The following NACC2 variants were observed in gnomAD, a reference collection of about 807,000 sequenced individuals.
The protein encoded by NACC2 is NACC family member 2, also known as nucleus accumbens-associated protein 2.
In NACC2, 8 loss-of-function variants were observed where a neutral mutation model predicts 25.1. That is an observed-to-expected ratio of 0.32 (90% CI 0.19 to 0.57). The LOEUF is 0.57. Ranked by LOEUF, NACC2 falls within the 20% of genes least tolerant of loss-of-function variation. NACC2 has a pLI of 0.89. For synonymous variants in NACC2, 435 were observed against 294.7 expected, an observed-to-expected ratio of 1.48 and a Z score of -4.88; for missense variants, 644 against 650.2, an observed-to-expected ratio of 0.99 and a Z score of 0.10.
intron 1 of NACC2, among the ~76,000 whole-genome samples, chr9:136,068,770 C>T (rs1457614611): frequency 1.3e-5 from 2 of 151,508 alleles, no homozygotes; most frequent in South Asian, 4.2e-4. Flanking sequence ...TTTTAAAAAT[C>T]GAGTGGCTCA....
At chr9:136,051,904 AGGAGGAGATGGT>A (rs1197606260) in intron 1 of NACC2, among the ~76,000 whole-genome samples, 21 of 117,724 alleles carry the variant, frequency 1.8e-4, no homozygotes, top group East Asian at 2.3e-4. Context: ...GAGGAGGAGG[AGGAGGAGATGGT>A]GGAGGAGGAG....
At chr9:136,075,396 C>T (rs1466408072) in intron 1 of NACC2, among the ~76,000 whole-genome samples, 2 of 152,240 alleles carry the variant, frequency 1.3e-5, no homozygotes, top group Non-Finnish European at 2.9e-5. Flanking sequence ...ACAGGGTGTC[C>T]ACTCTCCCCG....
At chr9:136,088,392 G>C (rs1039820033) in intron 1 of NACC2, among the ~76,000 whole-genome samples, 1 of 152,150 alleles carries the variant, frequency 6.6e-6, no homozygotes, top group Non-Finnish European at 1.5e-5. Context: ...AGTCCACACA[G>C]CAATGCTGGA....
chr9:136,046,503 T>C (rs1840727145), intron 2 of NACC2, among the ~76,000 whole-genome samples: 1 of 152,176 alleles, frequency 6.6e-6, no homozygotes, highest in African/African-American at 2.4e-5. Flanking sequence ...CTGAAGTGAC[T>C]GCTGCAGAGA....
intron 2 of NACC2, among the ~76,000 whole-genome samples, chr9:136,040,040 A>G (rs1381408474): frequency 1.3e-5 from 2 of 152,198 alleles, no homozygotes; most frequent in Non-Finnish European, 2.9e-5. Flanking sequence ...CAAGGTCAAC[A>G]TACAAAGAAA....
intron 1 of NACC2, among the ~76,000 whole-genome samples, chr9:136,094,183 G>A (rs978965410): frequency 1.3e-5 from 2 of 152,222 alleles, no homozygotes; most frequent in African/African-American, 4.8e-5. Flanking sequence ...GGCACCCAGC[G>A]GCCCAGGGAG....
At chr9:136,081,708 C>G (rs554531351) in intron 1 of NACC2, among the ~76,000 whole-genome samples, 4 of 152,334 alleles carry the variant, frequency 2.6e-5, no homozygotes, top group Non-Finnish European at 5.9e-5. Context: ...GGAACACACA[C>G]AGCCCCTCCT....
intron 1 of NACC2, among the ~76,000 whole-genome samples, chr9:136,094,280 C>T (rs930413156): frequency 5.3e-5 from 8 of 152,190 alleles, no homozygotes; most frequent in African/African-American, 1.7e-4. Flanking sequence ...GCCTGGGAGG[C>T]CAACTCCAGG....
chr9:136,081,503 C>T (rs931409631), intron 1 of NACC2, among the ~76,000 whole-genome samples: 1 of 152,248 alleles, frequency 6.6e-6, no homozygotes, highest in Non-Finnish European at 1.5e-5. Context: ...GCTTCCACCT[C>T]GGGCTGTAAC....
At position 136,055,872 on chromosome 9, in the gene NACC2, G is replaced by A. The variant is rs949716185; in HGVS notation, c.-59-5292C>T. ...GAGGACATCTCCTAAAAGGTCAATC[G>A]AAGGCGCTCCTGGAGCGTGAGAAGG... On this transcript the variant is annotated intron_variant, in intron 1 of 5. Coordinates refer to ENST00000277554, the MANE Select transcript of NACC2 (RefSeq NM_144653.5). This position sits in a 1 kb window ranked among gnomAD's most constrained non-coding sequence, Gnocchi z 4.9. 4.6e-5 allele frequency among the ~76,000 whole-genome samples: 7 copies of A among 152,132 alleles called. No homozygotes were observed. The highest frequency in any genetic ancestry group is 6.5e-5 in the Admixed American group (1 of 15,278).
chr9:136,069,552 A>C (rs936659657), intron 1 of NACC2, among the ~76,000 whole-genome samples: 6 of 142,510 alleles, frequency 4.2e-5, no homozygotes, highest in Non-Finnish European at 8.8e-5. Flanking sequence ...CTGTCAAAAA[A>C]CAAAACAAAA....
At chr9:136,052,381 TGCAGAGCTG>T (rs1423178637) in intron 1 of NACC2, among the ~76,000 whole-genome samples, 1 of 146,394 alleles carries the variant, frequency 6.8e-6, no homozygotes, top group African/African-American at 2.6e-5. Flanking sequence ...CCAAACAGTC[TGCAGAGCTG>T]GCAGAGCTGA....
rs1840230695 is a variant in NACC2 at position 136,018,141 on chromosome 9, ACCG to A, written c.887-1715_887-1713del. ...CCATGCAGAGCCCACCTGCGGCCGC[ACCG>A]CACCAGGACGCTCAGAGGCAGGTGC... On this transcript the variant is annotated intron_variant, in intron 2 of 5. Transcript: ENST00000277554. This position sits in a 1 kb window ranked among gnomAD's most constrained non-coding sequence, Gnocchi z 4.4. Among the ~76,000 whole-genome samples the A allele has an allele frequency of 6.6e-6, 1 of 152,034 alleles. No individual in the cohort carries two copies. The highest frequency in any genetic ancestry group is 1.5e-5 in the Non-Finnish European group (1 of 67,984).
At chr9:136,015,058 C>T (rs915539428) in intron 3 of NACC2, among the ~76,000 whole-genome samples, 1 of 152,146 alleles carries the variant, frequency 6.6e-6, no homozygotes. Context: ...TGCCATGGCC[C>T]GTCTCCTGCC....
intron 1 of NACC2, among the ~76,000 whole-genome samples, chr9:136,090,302 G>A (rs571431013): frequency 1.8e-4 from 28 of 152,298 alleles, no homozygotes; most frequent in African/African-American, 3.6e-4. Context: ...CTTCTGCTCC[G>A]ATCCAAAGGC....
chr9:136,014,666 C>G (rs1437209435), intron 3 of NACC2, among the ~76,000 whole-genome samples: 2 of 152,214 alleles, frequency 1.3e-5, no homozygotes, highest in African/African-American at 4.8e-5. Flanking sequence ...CTGCTCCGTC[C>G]CAGATACCAG....
chr9:136,076,954 C>T (rs1046713551), intron 1 of NACC2, among the ~76,000 whole-genome samples: 2 of 151,452 alleles, frequency 1.3e-5, no homozygotes, highest in Admixed American at 1.3e-4. Flanking sequence ...TGCAGTGAGC[C>T]GAGATCGCGC....
Position 136,069,420 on chromosome 9 carries a change from G to C in NACC2, c.-59-18840C>G, listed in dbSNP as rs187800763. Among the ~76,000 whole-genome samples the C allele has an allele frequency of 1.6e-3, 237 of 151,270 alleles. 6 individuals carry two copies. The highest frequency in any genetic ancestry group is 5.6e-3 in the African/African-American group (230 of 40,836). ...AAAAATTAGCCGGGCGTGGTGGCAG[G>C]CACCTGTAATCTCAGCTACTCGGGA... On this transcript the variant is annotated intron_variant, in intron 1 of 5. Coordinates refer to ENST00000277554, the MANE Select transcript of NACC2 (RefSeq NM_144653.5).
At chr9:136,045,032 C>T (rs1840699823) in intron 2 of NACC2, among the ~76,000 whole-genome samples, 2 of 152,252 alleles carry the variant, frequency 1.3e-5, no homozygotes, top group African/African-American at 4.8e-5. Context: ...CCACGACCCA[C>T]ACCCAGTGGC....
Sources: allele counts gnomAD v4.1 joint callset (sites outside exome capture counted in the v4.1 genomes callset), GRCh38; gene constraint gnomAD v4.1.1; non-coding constraint Gnocchi (gnomAD v3.1); transcripts MANE v1.5; gene names NCBI Gene and HGNC (gene_info 2026-07-23, HGNC 2026-07-21).